The following MICALL1 variants were observed in gnomAD, a reference collection of about 807,000 sequenced individuals.
The protein encoded by MICALL1 is MICAL like 1, also known as MICAL-like protein 1.
A neutral mutation model predicts 83.7 loss-of-function variants in MICALL1; 61 were observed. The observed-to-expected ratio is 0.73, with a 90% confidence interval of 0.59 to 0.90. MICALL1 has a LOEUF of 0.90. Ranked by LOEUF, MICALL1 falls within the 40% of genes least tolerant of loss-of-function variation. The pLI is 0.00. For missense variants in MICALL1, 1,066 were observed against 1,152.0 expected (o/e 0.93, Z 1.08); for synonymous variants, 481 against 473.6 (o/e 1.02, Z -0.20).
At chr22:37,926,960 T>G in intron 8 of MICALL1, 1 of 176,718 alleles carries the variant, frequency 5.7e-6, no homozygotes, top group Non-Finnish European at 1.2e-5. Context: ...ATGCAGATAA[T>G]GTGTTTGGAA....
chr22:37,919,340 GC>G (rs1928878924), intron 5 of MICALL1, among the ~76,000 whole-genome samples, 162 bp downstream of exon 5: 1 of 152,232 alleles, frequency 6.6e-6, no homozygotes, highest in Non-Finnish European at 1.5e-5. Context: ...GAGGGGAAAA[GC>G]AGTTGCTCAG....
At chr22:37,918,465 A>G (rs1055823726) in intron 4 of MICALL1, among the ~76,000 whole-genome samples, 5 of 152,204 alleles carry the variant, frequency 3.3e-5, no homozygotes, top group South Asian at 2.1e-4. Context: ...TGGGTGCTCC[A>G]TGAGGGTACA....
chr22:37,938,401 C>CAA (rs559904995), intron 15 of MICALL1, among the ~76,000 whole-genome samples: 52 of 59,120 alleles, frequency 8.8e-4, no homozygotes, highest in Non-Finnish European at 1.6e-3. Flanking sequence ...GACTCAGTCT[C>CAA]AAAAAAAAAA....
intron 9 of MICALL1, among the ~76,000 whole-genome samples, chr22:37,928,766 T>C (rs1441419786): frequency 6.6e-6 from 1 of 152,108 alleles, no homozygotes; most frequent in Non-Finnish European, 1.5e-5. Flanking sequence ...CATCCCGTAT[T>C]GTCTGTCCGC....
At chr22:37,922,601 ATTTT>A (rs1198282750) in intron 6 of MICALL1, among the ~76,000 whole-genome samples, 175 bp downstream of exon 6, 83 of 31,890 alleles carry the variant, frequency 2.6e-3, no homozygotes, top group African/African-American at 7.9e-3. Flanking sequence ...ATATATATAT[ATTTT>A]TTTTTTTTTT....
chr22:37,917,488 A>G (rs1046994309), intron 3 of MICALL1, among the ~76,000 whole-genome samples: 1 of 151,992 alleles, frequency 6.6e-6, no homozygotes, highest in Non-Finnish European at 1.5e-5. Context: ...TCCCCATTTG[A>G]TGGAGGTTCA....
intron 4 of MICALL1, among the ~76,000 whole-genome samples, chr22:37,918,359 A>G (rs1258731765): frequency 6.6e-6 from 1 of 152,162 alleles, no homozygotes; most frequent in East Asian, 1.9e-4. Flanking sequence ...AGGAAGTGAC[A>G]CCAGCCCTTC....
intron 15 of MICALL1, among the ~76,000 whole-genome samples, chr22:37,939,159 T>G (rs570978039): frequency 3.0e-4 from 46 of 152,198 alleles, no homozygotes; most frequent in Non-Finnish European, 5.3e-4. Context: ...TAGTCCCAGC[T>G]CTGGCACTTA....
At chr22:37,934,302 A>C (rs1929964056) in intron 13 of MICALL1, among the ~76,000 whole-genome samples, 1 of 152,208 alleles carries the variant, frequency 6.6e-6, no homozygotes, top group Non-Finnish European at 1.5e-5. Flanking sequence ...GCCAGGTTCA[A>C]ATACCAGCTC....
At chr22:37,920,251 TTA>T (rs1034763570) in intron 5 of MICALL1, among the ~76,000 whole-genome samples, 5 of 152,086 alleles carry the variant, frequency 3.3e-5, no homozygotes, top group Non-Finnish European at 5.9e-5. Flanking sequence ...TGGAAACATT[TTA>T]TATGTTTCAA....
At chr22:37,913,876 C>CT (rs60697387) in intron 3 of MICALL1, among the ~76,000 whole-genome samples, 3,021 of 138,678 alleles carry the variant, frequency 0.022, 95 homozygotes, top group African/African-American at 0.069. Context: ...TGGCCCAACT[C>CT]TTTTTTTTTT....
Position 37,933,055 on chromosome 22 carries a change from C to G in MICALL1, c.2251C>G (p.Leu751Val). 5 of 1,614,012 alleles carry G rather than the reference C, an allele frequency of 3.1e-6. No individual in the cohort carries two copies. In the South Asian group the frequency reaches 3.3e-5, roughly 11 times the overall value. ...ELIYVFKQQN[L>V]EQRQADVEYE... is the part of the protein sequence containing the mutation. ...CACCCCTAGCTTCAAGCAGCAGAAC[C>G]TGGAGCAGCGCCAGGCTGATGTCGA... The change falls in exon 13 of 16, where the codon CTG becomes GTG. Residue 751 changes from leucine to valine, a missense_variant. By Grantham distance (32) the Leu-to-Val change is conservative. Transcript: ENST00000215957.
intron 1 of MICALL1, 112 bp from the exon 2 acceptor site, chr22:37,911,837 TTGA>T: frequency 9.9e-7 from 1 of 1,007,182 alleles, no homozygotes; most frequent in Non-Finnish European, 1.6e-6. Flanking sequence ...CCTGCTGAGG[TTGA>T]TGCTGGCTGG....
In MICALL1 at chr22:37,925,897, C is replaced by T. The variant is rs1183704620; in HGVS notation, c.1319C>T (p.Ala440Val). Residue 440 changes from alanine to valine, a missense_variant, in exon 8 of 16, where the codon GCT (alanine) becomes GTT (valine). Coordinates refer to ENST00000215957, the MANE Select transcript of MICALL1 (RefSeq NM_033386.4). ...GAGGACAAGGAGGAAGAGGCTCCAG[C>T]TGCACCCAGCCTGGCCACCAGCCCT... ...EEEDKEEEAP[A>V]APSLATSPAL... is the part of the protein sequence containing the mutation. 1 of 1,612,836 alleles carries T rather than the reference C, an allele frequency of 6.2e-7. No individual in the cohort carries two copies. Among genetic ancestry groups the T allele is most frequent in the Admixed American group, 1.7e-5 (1 of 59,858 alleles).
rs1320428536 is a variant in MICALL1, at chr22:37,941,137, G to C, written c.*307G>C. 2.3e-5 allele frequency: 6 copies of C among 260,758 alleles called. No individual in the cohort carries two copies. Among genetic ancestry groups the C allele is most frequent in the South Asian group, 9.9e-5 (2 of 20,240 alleles). The allele number at this position is 260,758 out of a possible 1,614,324, so 16.2% of individuals were successfully genotyped here. On this transcript the variant is annotated 3_prime_UTR_variant, in exon 16 of 16. Transcript: ENST00000215957. ...TCCCAGGGTCCAGGGAGGGGCGCCT[G>C]CTGAGCACTTCCGCCCCTCACCCTG...
In MICALL1 at chr22:37,927,753, C is replaced by T. The variant is rs907397105; in HGVS notation, c.1808C>T (p.Thr603Met). 44 of 1,613,842 alleles carry T rather than the reference C, an allele frequency of 2.7e-5. No individual in the cohort carries two copies. Among genetic ancestry groups the T allele is most frequent in the Non-Finnish European group, 3.3e-5 (39 of 1,180,010 alleles). The change falls in exon 9 of 16, where the codon ACG (threonine) becomes ATG (methionine). Residue 603 changes from threonine (T) to methionine (M), a missense_variant. By Grantham distance (81) the Thr-to-Met change is moderately conservative. Coordinates refer to ENST00000215957, the MANE Select transcript of MICALL1 (RefSeq NM_033386.4). ...AAGCCCTGCAGTGGCGCCACCCCAA[C>T]GCCTCTCTTGTTGGTTGGAGACAGG... is the stretch of plus-strand genomic sequence containing the variant. ...PAKPCSGATP[T>M]PLLLVGDRSP...
intron 9 of MICALL1, among the ~76,000 whole-genome samples, chr22:37,928,335 T>C (rs1929603763): frequency 6.6e-6 from 1 of 152,016 alleles, no homozygotes; most frequent in African/African-American, 2.4e-5. Context: ...GTCTCCCGAG[T>C]AGCTGGGACT....
intron 4 of MICALL1, among the ~76,000 whole-genome samples, chr22:37,918,576 G>C (rs940086443): frequency 6.6e-6 from 1 of 152,244 alleles, no homozygotes; most frequent in African/African-American, 2.4e-5. Context: ...TGGATGTAGA[G>C]AAACTGGGAT....
rs1930396740 is a variant in MICALL1 at position 37,940,814 on chromosome 22, C to T, written c.2576C>T (p.Pro859Leu). The part of the protein sequence containing the change: ...GNKRDAKSKS[P>L]RDKS Reference sequence around the variant, plus strand: ...AAACGTGATGCCAAGAGCAAGTCCCCCAGAGACAAGAGCTAACAGCACGAG... The same window carrying T: ...AAACGTGATGCCAAGAGCAAGTCCCTCAGAGACAAGAGCTAACAGCACGAG... Residue 859 changes from proline (P) to leucine (L), a missense_variant, in exon 16 of 16, where the codon CCC (proline) becomes CTC (leucine). Physicochemically the swap from Pro to Leu is moderately conservative, Grantham distance 98. Transcript: ENST00000215957. 1 of 1,613,878 alleles carries T rather than the reference C, an allele frequency of 6.2e-7. No homozygotes were observed. The highest frequency in any genetic ancestry group is 2.2e-5 in the East Asian group (1 of 44,886).
Sources: gnomAD v4.1 joint callset for allele counts (sites outside exome capture counted in the v4.1 genomes callset) on GRCh38, gnomAD v4.1.1 for gene constraint, MANE v1.5 for transcripts, NCBI Gene and HGNC (gene_info 2026-07-23, HGNC 2026-07-21) for gene names.